Variants in TMCC1 observed in about 807,000 individuals in gnomAD.
The protein encoded by TMCC1 is transmembrane and coiled-coil domains protein 1.
In TMCC1, 15 loss-of-function variants were observed where a neutral mutation model predicts 52.4. The ratio of observed to expected loss-of-function variants is 0.29; its 90% CI spans 0.19 to 0.44. The LOEUF is 0.44. TMCC1 is among the 20% of genes least tolerant of loss of function. The pLI is 1.00. For synonymous variants in TMCC1, 279 were observed against 301.9 expected (o/e 0.92, Z 0.79); for missense variants, 503 against 806.0 (o/e 0.62, Z 4.55).
intron 4 of TMCC1, among the ~76,000 whole-genome samples, chr3:129,782,567 C>G (rs542630774): frequency 1.3e-5 from 2 of 152,084 alleles, no homozygotes; most frequent in South Asian, 2.1e-4. Flanking sequence ...ATATATTTTA[C>G]GGTCTTCAAA....
At chr3:129,891,538 C>A (rs187293485) in intron 1 of TMCC1, among the ~76,000 whole-genome samples, 6 of 152,214 alleles carry the variant, frequency 3.9e-5, no homozygotes, top group South Asian at 2.1e-4. Flanking sequence ...GCCCAAAAAC[C>A]CTGGTATGTA....
intron 4 of TMCC1, among the ~76,000 whole-genome samples, chr3:129,755,531 A>C (rs1261250933): frequency 1.3e-5 from 2 of 152,218 alleles, no homozygotes; most frequent in African/African-American, 4.8e-5. Flanking sequence ...AGAATATGTA[A>C]AGAACTCTAA....
chr3:129,867,270 G>A (rs1020958919), intron 2 of TMCC1, among the ~76,000 whole-genome samples: 8 of 152,126 alleles, frequency 5.3e-5, no homozygotes, highest in Non-Finnish European at 7.3e-5. Flanking sequence ...ACAAATGTAC[G>A]ATTCAAGTAT....
intron 4 of TMCC1, among the ~76,000 whole-genome samples, chr3:129,695,283 T>C (rs1482684023): frequency 6.6e-6 from 1 of 152,108 alleles, no homozygotes; most frequent in Non-Finnish European, 1.5e-5. Context: ...AGTTATCTGA[T>C]TGAATAAAGA....
chr3:129,883,834 C>T (rs527571946), intron 1 of TMCC1, among the ~76,000 whole-genome samples: 73 of 146,966 alleles, frequency 5.0e-4, no homozygotes, highest in Non-Finnish European at 8.6e-4. Context: ...GGTGAAACCT[C>T]GCGTCTATTT....
intron 4 of TMCC1, among the ~76,000 whole-genome samples, chr3:129,733,607 A>G (rs1224940169): frequency 6.6e-6 from 1 of 152,216 alleles, no homozygotes; most frequent in Non-Finnish European, 1.5e-5. Flanking sequence ...AAATTTGGAA[A>G]GTGGAAATGC....
At chr3:129,818,484 TTTTAAAGAAAAGTTTTA>T in intron 4 of TMCC1, among the ~76,000 whole-genome samples, 2 of 87,566 alleles carry the variant, frequency 2.3e-5, no homozygotes, top group African/African-American at 1.2e-4. Flanking sequence ...TTAAAGAAAC[TTTTAAAGAAAAGTTTTA>T]AAGAAACTTT....
At chr3:129,793,998 T>C (rs1461042953) in intron 4 of TMCC1, among the ~76,000 whole-genome samples, 1 of 152,196 alleles carries the variant, frequency 6.6e-6, no homozygotes, top group African/African-American at 2.4e-5. Flanking sequence ...GACAGATTAA[T>C]TGCTTATTAA....
intron 4 of TMCC1, among the ~76,000 whole-genome samples, chr3:129,734,247 C>CT (rs2050762355): frequency 6.6e-6 from 1 of 152,046 alleles, no homozygotes; most frequent in Non-Finnish European, 1.5e-5. Flanking sequence ...TAGATCAGAA[C>CT]TATATGTTAT....
At chr3:129,723,828 G>A (rs912453640) in intron 4 of TMCC1, among the ~76,000 whole-genome samples, 2 of 151,948 alleles carry the variant, frequency 1.3e-5, no homozygotes, top group African/African-American at 4.8e-5. Context: ...AGTTTCAGCA[G>A]CTCAGGCTAT....
At chr3:129,724,932 G>A (rs550261546) in intron 4 of TMCC1, among the ~76,000 whole-genome samples, 1 of 152,092 alleles carries the variant, frequency 6.6e-6, no homozygotes, top group Non-Finnish European at 1.5e-5. Context: ...GATAAGGAGG[G>A]ATAAGGAATA....
chr3:129,680,020 C>G (rs767323935), intron 4 of TMCC1, among the ~76,000 whole-genome samples: 16 of 152,168 alleles, frequency 1.1e-4, no homozygotes, highest in Non-Finnish European at 2.1e-4. Context: ...CTTTTAAAAG[C>G]TTCCCAAAGT....
chr3:129,658,168 C>G (rs2086790614), intron 5 of TMCC1, among the ~76,000 whole-genome samples: 3 of 152,200 alleles, frequency 2.0e-5, no homozygotes, highest in Admixed American at 1.3e-4. Flanking sequence ...AACATTAGAA[C>G]ATAAAACACA....
At chr3:129,708,865 C>T (rs1019927900) in intron 4 of TMCC1, among the ~76,000 whole-genome samples, 1 of 152,202 alleles carries the variant, frequency 6.6e-6, no homozygotes, top group African/African-American at 2.4e-5. Context: ...GTCTTCAGAG[C>T]ATCTCTAACC....
chr3:129,767,259 T>TA (rs574438436), intron 4 of TMCC1, among the ~76,000 whole-genome samples: 14,853 of 132,564 alleles, frequency 0.11, 953 homozygotes, highest in African/African-American at 0.2. Context: ...ACGCTGTCTT[T>TA]AAAAAAAAAA....
intron 4 of TMCC1, among the ~76,000 whole-genome samples, chr3:129,709,420 G>A (rs1354312252): frequency 1.4e-5 from 2 of 143,278 alleles, no homozygotes; most frequent in African/African-American, 2.6e-5. Flanking sequence ...AGGCTGTGGT[G>A]AGCTGAGATT....
chr3:129,883,155 ACAC>A, intron 1 of TMCC1, among the ~76,000 whole-genome samples: 1 of 151,862 alleles, frequency 6.6e-6, no homozygotes, highest in African/African-American at 2.4e-5. Flanking sequence ...ACACACACAC[ACAC>A]AAAATTAGCC....
chr3:129,654,725 A>C (rs1225170931), intron 6 of TMCC1, among the ~76,000 whole-genome samples: 1 of 152,198 alleles, frequency 6.6e-6, no homozygotes, highest in African/African-American at 2.4e-5. Flanking sequence ...GTGGTTTTCC[A>C]TACACTGAGA....
Position 129,651,339 on chromosome 3 carries a change from GA to G in TMCC1, c.*141del, listed in dbSNP as rs1417539887. On this transcript the variant is annotated 3_prime_UTR_variant, in exon 7 of 7. Transcript: ENST00000393238. The surrounding 1 kb of genome is among the most constrained non-coding windows in gnomAD (Gnocchi z 5.1). ...TACTATTGCAATTGCGTCTCTTGAA[GA>G]AAAAAACATTATTCTAAATGTAAAC... The G allele has an allele frequency of 6.9e-6, 7 of 1,021,456 alleles. No homozygotes were observed. In the African/African-American group the frequency reaches 1.1e-4, roughly 16 times the overall value. The allele number at this position is 1,021,456 out of a possible 1,614,324, so 63.3% of individuals were successfully genotyped here. A position where few individuals can be genotyped will look rare whatever the true frequency, so the allele number is the denominator to read the frequency against.
Sources: allele counts gnomAD v4.1 joint callset (sites outside exome capture counted in the v4.1 genomes callset), GRCh38; gene constraint gnomAD v4.1.1; non-coding constraint Gnocchi (gnomAD v3.1); transcripts MANE v1.5; gene names NCBI Gene and HGNC (gene_info 2026-07-23, HGNC 2026-07-21).